ARHGAP24: variants seen among roughly 807,000 people sequenced by gnomAD.
ARHGAP24 encodes the protein rho GTPase-activating protein 24.
ARHGAP24 carries 50 observed loss-of-function variants against 76.4 expected under a neutral mutation model. That is an observed-to-expected ratio of 0.65 (90% CI 0.52 to 0.83). ARHGAP24 has a LOEUF of 0.83. Among genes scored for constraint, ARHGAP24 ranks in the 40% least tolerant of loss-of-function variants. The pLI, the probability that ARHGAP24 is intolerant of heterozygous loss-of-function variation, is 0.00. For missense variants in ARHGAP24, 930 were observed against 914.2 expected (o/e 1.02, Z -0.22); for synonymous variants, 345 against 323.3 (o/e 1.07, Z -0.72).
chr4:85,660,071 G>T (rs797015316), intron 2 of ARHGAP24, among the ~76,000 whole-genome samples: 3 of 152,158 alleles, frequency 2.0e-5, no homozygotes, highest in African/African-American at 7.2e-5. Flanking sequence ...TGGAAAAAAC[G>T]GCATGTGCTT....
chr4:85,486,431 T>G (rs1425168729), intron 1 of ARHGAP24, among the ~76,000 whole-genome samples: 1 of 152,206 alleles, frequency 6.6e-6, no homozygotes, highest in East Asian at 1.9e-4. Flanking sequence ...ATTGAGAAAC[T>G]GGCTAATTAA....
At chr4:85,684,735 C>T (rs1358180305) in intron 2 of ARHGAP24, among the ~76,000 whole-genome samples, 3 of 152,136 alleles carry the variant, frequency 2.0e-5, no homozygotes, top group African/African-American at 7.2e-5. Flanking sequence ...TAGAACAATG[C>T]CCTTAAGCTT....
intron 4 of ARHGAP24, among the ~76,000 whole-genome samples, chr4:85,929,445 C>A (rs1736197284): frequency 6.6e-6 from 1 of 152,130 alleles, no homozygotes; most frequent in Non-Finnish European, 1.5e-5. Flanking sequence ...GGGGTTAAGG[C>A]ACTAGCATTC....
At chr4:85,492,980 C>T (rs1723418132) in intron 1 of ARHGAP24, among the ~76,000 whole-genome samples, 2 of 152,148 alleles carry the variant, frequency 1.3e-5, no homozygotes, top group East Asian at 1.9e-4. Context: ...CCGTATCTTA[C>T]GAGATCTTGA....
chr4:85,857,111 C>G (rs1028253127), intron 3 of ARHGAP24, among the ~76,000 whole-genome samples: 1 of 152,068 alleles, frequency 6.6e-6, no homozygotes, highest in South Asian at 2.1e-4. Context: ...CAATATTCAA[C>G]AAGAATTTAT....
intron 4 of ARHGAP24, among the ~76,000 whole-genome samples, chr4:85,932,228 C>G (rs1736374715): frequency 6.6e-6 from 1 of 151,722 alleles, no homozygotes; most frequent in South Asian, 2.1e-4. Context: ...TTCTGAATAC[C>G]ATAGGATTGC....
chr4:85,515,720 A>G (rs939368736), intron 1 of ARHGAP24, among the ~76,000 whole-genome samples: 4 of 151,968 alleles, frequency 2.6e-5, no homozygotes, highest in Non-Finnish European at 5.9e-5. Context: ...ATTTTCATCT[A>G]TTACTATTAC....
chr4:85,584,111 T>C (rs1448745414), intron 2 of ARHGAP24, among the ~76,000 whole-genome samples: 1 of 151,230 alleles, frequency 6.6e-6, no homozygotes, highest in Non-Finnish European at 1.5e-5. Context: ...CAAAGGACTA[T>C]AAATCATGCT....
intron 3 of ARHGAP24, among the ~76,000 whole-genome samples, chr4:85,862,322 G>A (rs1731947116): frequency 6.6e-6 from 1 of 152,038 alleles, no homozygotes; most frequent in Non-Finnish European, 1.5e-5. Context: ...ACAGAAATTG[G>A]CAGTGAGGTA....
At chr4:85,913,517 T>A (rs1032923762) in intron 3 of ARHGAP24, among the ~76,000 whole-genome samples, 1 of 152,138 alleles carries the variant, frequency 6.6e-6, no homozygotes, top group Non-Finnish European at 1.5e-5. Flanking sequence ...CAGTATTACC[T>A]GGGGATCTCA....
chr4:85,827,821 A>AGG, intron 3 of ARHGAP24: 1 of 919,116 alleles, frequency 1.1e-6, no homozygotes, highest in Non-Finnish European at 1.5e-6. Flanking sequence ...TGGGTGATGG[A>AGG]GTCATGGGAG....
intron 2 of ARHGAP24, among the ~76,000 whole-genome samples, chr4:85,640,907 T>C (rs1721495982): frequency 6.6e-6 from 1 of 151,958 alleles, no homozygotes; most frequent in South Asian, 2.1e-4. Flanking sequence ...AACAATTTTT[T>C]GGATACAAGA....
intron 2 of ARHGAP24, among the ~76,000 whole-genome samples, chr4:85,579,123 C>T (rs1057132054): frequency 1.3e-5 from 2 of 151,922 alleles, no homozygotes; most frequent in South Asian, 2.1e-4. Flanking sequence ...TTTGCAAAAC[C>T]GGCTACCCCA....
intron 2 of ARHGAP24, among the ~76,000 whole-genome samples, chr4:85,599,672 T>G (rs1467430278): frequency 2.8e-4 from 4 of 14,180 alleles, no homozygotes; most frequent in South Asian, 2.3e-3. Context: ...TATTAAATTA[T>G]TTTTTTTTTG....
chr4:85,539,690 A>G (rs1030077747), intron 1 of ARHGAP24, among the ~76,000 whole-genome samples: 2 of 152,232 alleles, frequency 1.3e-5, no homozygotes, highest in Admixed American at 6.5e-5. Context: ...GCAACTTTCA[A>G]ATTTGAAACA....
At position 85,700,534 on chromosome 4, in the gene ARHGAP24, G is replaced by T. The variant is rs949302522; in HGVS notation, c.181-21351G>T. On this transcript the variant is annotated intron_variant, in intron 2 of 9. Transcript: ENST00000395184. ...GCTGAATACCCTGAAAGACAAAATT[G>T]CCATCAATGGAGATAGGAAGGATTA... 3.9e-5 allele frequency among the ~76,000 whole-genome samples: 6 copies of T among 152,256 alleles called. No homozygotes were observed. In the East Asian group the frequency reaches 1.2e-3, roughly 29 times the overall value.
intron 3 of ARHGAP24, among the ~76,000 whole-genome samples, chr4:85,838,241 A>G (rs1170491030): frequency 6.6e-6 from 1 of 152,248 alleles, no homozygotes; most frequent in African/African-American, 2.4e-5. Context: ...ACAGCCTGTG[A>G]GCATGACTAC....
chr4:85,998,260 A>G (rs1262868601), intron 9 of ARHGAP24, among the ~76,000 whole-genome samples: 1 of 152,194 alleles, frequency 6.6e-6, no homozygotes, highest in Non-Finnish European at 1.5e-5. Context: ...CTCTACTACT[A>G]GGTGAATAGA....
chr4:85,972,228 A>T (rs1024370310), intron 6 of ARHGAP24, 60 bp downstream of exon 6: 1 of 1,602,066 alleles, frequency 6.2e-7, no homozygotes, highest in Non-Finnish European at 8.5e-7. Flanking sequence ...CTGTGTTCTT[A>T]GTCTTAAATC....
Sources: allele counts gnomAD v4.1 joint callset (sites outside exome capture counted in the v4.1 genomes callset), GRCh38; gene constraint gnomAD v4.1.1; transcripts MANE v1.5; gene names NCBI Gene and HGNC (gene_info 2026-07-23, HGNC 2026-07-21).